Variants in SDC1 observed in about 807,000 individuals in gnomAD.
SDC1 encodes the protein syndecan 1.
In SDC1, 14 loss-of-function variants were observed where a neutral mutation model predicts 29.7. That is an observed-to-expected ratio of 0.47 (90% CI 0.31 to 0.74). The LOEUF is 0.74. Among genes scored for constraint, SDC1 ranks in the 30% least tolerant of loss-of-function variants. The probability of loss-of-function intolerance (pLI) is 0.05; values close to 1 mark genes in which losing one functional copy is unlikely to be tolerated. For missense variants in SDC1, 406 were observed against 400.3 expected, an observed-to-expected ratio of 1.01 and a Z score of -0.12; for synonymous variants, 204 against 175.5, an observed-to-expected ratio of 1.16 and a Z score of -1.29.
intron 1 of SDC1, among the ~76,000 whole-genome samples, chr2:20,223,668 C>A (rs115328534): frequency 6.6e-6 from 1 of 152,180 alleles, no homozygotes; most frequent in Non-Finnish European, 1.5e-5. Flanking sequence ...CACCTGGCTG[C>A]GGCCCAGGTC....
intron 1 of SDC1, among the ~76,000 whole-genome samples, chr2:20,221,711 G>GA (rs1196703016): frequency 7.2e-5 from 11 of 152,196 alleles, no homozygotes; most frequent in Non-Finnish European, 1.5e-4. Context: ...AAAAACTGCA[G>GA]AAGTCAAGCT....
intron 1 of SDC1, among the ~76,000 whole-genome samples, chr2:20,215,926 T>G (rs1677612692): frequency 6.6e-6 from 1 of 152,164 alleles, no homozygotes; most frequent in African/African-American, 2.4e-5. Flanking sequence ...CAGGACTCAA[T>G]AAAGGCAGGA....
At chr2:20,203,454 C>T (rs1037173483) in intron 3 of SDC1, among the ~76,000 whole-genome samples, 6 of 152,262 alleles carry the variant, frequency 3.9e-5, no homozygotes, top group Non-Finnish European at 8.8e-5. Flanking sequence ...ACAAAGCACA[C>T]ATTTTTGTAT....
In SDC1 at chr2:20,225,024, C is replaced by G. The variant is rs1320332760; in HGVS notation, c.-157G>C. On this transcript the variant is annotated 5_prime_UTR_variant, in exon 1 of 5. Transcript: ENST00000254351. ...GGGTCCGCCGGCTGGAGTCCGCTCT[C>G]TACTGCCGGATTCCTCTCCGCTCGG... 2.2e-6 allele frequency: 2 copies of G among 921,002 alleles called. No homozygotes were observed. Among genetic ancestry groups the G allele is most frequent in the Non-Finnish European group, 2.8e-6 (2 of 722,738 alleles). The allele number at this position is 921,002 out of a possible 1,614,324, so 57.1% of individuals were successfully genotyped here.
chr2:20,223,998 G>T (rs1045680766), intron 1 of SDC1, among the ~76,000 whole-genome samples: 1 of 152,176 alleles, frequency 6.6e-6, no homozygotes, highest in Non-Finnish European at 1.5e-5. Context: ...GCACAAAGCC[G>T]AGCCGGGGAG....
intron 1 of SDC1, among the ~76,000 whole-genome samples, chr2:20,221,431 T>C (rs535284961): frequency 6.6e-6 from 1 of 152,304 alleles, no homozygotes; most frequent in East Asian, 1.9e-4. Context: ...CAAAGTGCTC[T>C]TCAGAGCACA....
At chr2:20,222,031 A>G (rs1207993801) in intron 1 of SDC1, among the ~76,000 whole-genome samples, 1 of 152,234 alleles carries the variant, frequency 6.6e-6, no homozygotes, top group Non-Finnish European at 1.5e-5. Flanking sequence ...AAAATAGCAA[A>G]TAACTATTCC....
At chr2:20,214,437 GCT>G (rs978928763) in intron 1 of SDC1, among the ~76,000 whole-genome samples, 1 of 152,156 alleles carries the variant, frequency 6.6e-6, no homozygotes, top group Non-Finnish European at 1.5e-5. Context: ...TTCTGTGACG[GCT>G]CTCTCTGAAG....
chr2:20,202,407 C>A lies in SDC1; in HGVS notation c.*359G>T. On this transcript the variant is annotated 3_prime_UTR_variant, in exon 5 of 5. Coordinates refer to ENST00000254351, the MANE Select transcript of SDC1 (RefSeq NM_002997.5). ...AGCCCCACCCGCAGGATCTTCCAGC[C>A]ACATGAGGCCATTTAGGTCCAAAGC... is the stretch of plus-strand genomic sequence containing the variant. 1.5e-6 allele frequency: 1 copy of A among 675,128 alleles called. No individual in the cohort carries two copies. 41.8% of individuals were successfully genotyped at this position (675,128 alleles called of 1,614,324 possible).
Position 20,201,016 on chromosome 2 carries a change from C to T in SDC1, c.*1750G>A, listed in dbSNP as rs1271892905. 6.6e-6 allele frequency: 1 copy of T among 152,220 alleles called. No individual in the cohort carries two copies. The highest frequency in any genetic ancestry group is 2.4e-5 in the African/African-American group (1 of 41,440). The allele number at this position is 152,220 out of a possible 1,614,324, so 9.4% of individuals were successfully genotyped here. A position where few individuals can be genotyped will look rare whatever the true frequency, so the allele number is the denominator to read the frequency against. On this transcript the variant is annotated 3_prime_UTR_variant, in exon 5 of 5. Coordinates refer to ENST00000254351, the MANE Select transcript of SDC1 (RefSeq NM_002997.5). ...GGTGCATCTCTGATCCACAGACTGGCCCACCTCTCGGAGTGGCCAACGGAG... is the reference window on the plus strand; with the variant it reads ...GGTGCATCTCTGATCCACAGACTGGTCCACCTCTCGGAGTGGCCAACGGAG...
chr2:20,223,236 C>G (rs940754826), intron 1 of SDC1: 1 of 1,301,884 alleles, frequency 7.7e-7, no homozygotes, highest in Non-Finnish European at 1.0e-6. Context: ...ACACATCGGT[C>G]TCAGAAACGA....
chr2:20,220,223 C>T (rs988442045), intron 1 of SDC1, among the ~76,000 whole-genome samples: 1 of 152,224 alleles, frequency 6.6e-6, no homozygotes, highest in African/African-American at 2.4e-5. Flanking sequence ...CAGCCCAAAA[C>T]GCTCATATCC....
Position 20,202,910 on chromosome 2 carries a change from C to T in SDC1, c.789G>A (p.Gly263=). The T allele has an allele frequency of 6.2e-7, 1 of 1,612,604 alleles. No individual in the cohort carries two copies. The highest frequency in any genetic ancestry group is 1.1e-5 in the South Asian group (1 of 90,816). The change falls in exon 5 of 5, where the codon GGG becomes GGA. Residue 263 remains glycine, a synonymous_variant. Coordinates refer to ENST00000254351, the MANE Select transcript of SDC1 (RefSeq NM_002997.5). ...CCACCAGGCACACAGCAAAGATGAG[C>T]CCCACGAGGCCTCCGGCAATGACCC... ...LGGVIAGGLV[G]LIFAVCLVGF...
At chr2:20,219,984 AG>A (rs1558438538) in intron 1 of SDC1, among the ~76,000 whole-genome samples, 1 of 152,192 alleles carries the variant, frequency 6.6e-6, no homozygotes, top group African/African-American at 2.4e-5. Context: ...CCAGCGCCCA[AG>A]GTAAAAGATG....
chr2:20,205,541 G>T, intron 1 of SDC1, 117 bp from the exon 2 acceptor site: 1 of 782,342 alleles, frequency 1.3e-6, no homozygotes. Context: ...CAGGTACACA[G>T]GGAGAAGCCT....
intron 1 of SDC1, chr2:20,207,888 C>T (rs1328531611): frequency 1.8e-5 from 17 of 937,628 alleles, no homozygotes; most frequent in Non-Finnish European, 2.0e-5. Flanking sequence ...ATACTGCCCA[C>T]CGGGGGATCA....
At chr2:20,215,614 C>T (rs1208951877) in intron 1 of SDC1, among the ~76,000 whole-genome samples, 1 of 152,220 alleles carries the variant, frequency 6.6e-6, no homozygotes, top group Admixed American at 6.5e-5. Context: ...GTGCTCTAGG[C>T]AAGGAAGGGG....
At chr2:20,223,361 A>G in intron 1 of SDC1, 1 of 1,158,538 alleles carries the variant, frequency 8.6e-7, no homozygotes, top group South Asian at 1.3e-5. Context: ...AGCGCTGCTG[A>G]GACTTGTCCA....
chr2:20,217,978 A>G (rs1677685200), intron 1 of SDC1, among the ~76,000 whole-genome samples: 1 of 151,988 alleles, frequency 6.6e-6, no homozygotes, highest in South Asian at 2.1e-4. Context: ...CCTGCCCTCC[A>G]CTGGCCTTGC....
Sources: allele counts gnomAD v4.1 joint callset (sites outside exome capture counted in the v4.1 genomes callset), GRCh38; gene constraint gnomAD v4.1.1; transcripts MANE v1.5; gene names NCBI Gene and HGNC (gene_info 2026-07-23, HGNC 2026-07-21).